The following PDE7A variants were observed in gnomAD, a reference collection of about 807,000 sequenced individuals.
PDE7A encodes high affinity 3',5'-cyclic-AMP phosphodiesterase 7A.
A neutral mutation model predicts 64.3 loss-of-function variants in PDE7A; 39 were observed. That is an observed-to-expected ratio of 0.61 (90% CI 0.47 to 0.79). The LOEUF (loss-of-function observed/expected upper bound fraction) is 0.79. Ranked by LOEUF, PDE7A falls within the 30% of genes least tolerant of loss-of-function variation. The probability of loss-of-function intolerance (pLI) is 0.00; values close to 1 mark genes in which losing one functional copy is unlikely to be tolerated. For synonymous variants in PDE7A, 203 were observed against 206.8 expected (o/e 0.98, Z 0.16); for missense variants, 470 against 582.8 (o/e 0.81, Z 1.99).
intron 7 of PDE7A, among the ~76,000 whole-genome samples, chr8:65,728,792 A>C (rs1806714413): frequency 6.6e-6 from 1 of 152,224 alleles, no homozygotes; most frequent in Non-Finnish European, 1.5e-5. Context: ...GGAGAATACA[A>C]TAATCCAAAA....
chr8:65,725,013 A>G, intron 9 of PDE7A, 92 bp from the exon 10 acceptor site: 1 of 686,462 alleles, frequency 1.5e-6, no homozygotes, highest in South Asian at 3.3e-5. Flanking sequence ...GGAAGGCTTT[A>G]TAGAACCCTA....
At chr8:65,775,492 G>A (rs1393067035) in intron 3 of PDE7A, among the ~76,000 whole-genome samples, 1 of 152,050 alleles carries the variant, frequency 6.6e-6, no homozygotes, top group Non-Finnish European at 1.5e-5. Flanking sequence ...ACGTTTTTAT[G>A]GTCTACCTCT....
At chr8:65,770,151 G>A (rs1415643802) in intron 3 of PDE7A, among the ~76,000 whole-genome samples, 1 of 149,600 alleles carries the variant, frequency 6.7e-6, no homozygotes, top group Non-Finnish European at 1.5e-5. Flanking sequence ...GTGTGTGTGT[G>A]TGTGTGTGTG....
chr8:65,746,197 G>A (rs117547270), intron 4 of PDE7A, among the ~76,000 whole-genome samples: 10 of 151,038 alleles, frequency 6.6e-5, no homozygotes, highest in South Asian at 2.1e-4. Flanking sequence ...GCCTCCGAAC[G>A]TGCTAGGATT....
At position 65,804,148 on chromosome 8, in the gene PDE7A, C is replaced by A. The variant is rs1033080573; in HGVS notation, c.139-21305G>T. 6.0e-4 allele frequency among the ~76,000 whole-genome samples: 91 copies of A among 152,176 alleles called. 5 individuals are homozygous for A. The highest frequency in any genetic ancestry group is 6.5e-5 in the Admixed American group (1 of 15,280). ...CATACACCAGCACTTTATCACACAT[C>A]CTTCTCTAGCCAACAGCATGATATT... On this transcript the variant is annotated intron_variant, in intron 1 of 12. Transcript: ENST00000401827.
At chr8:65,723,491 A>C in intron 12 of PDE7A, 50 bp downstream of exon 12, 1 of 1,374,358 alleles carries the variant, frequency 7.3e-7, no homozygotes. Context: ...CCTTCTTGAT[A>C]AAAACAGTGG....
chr8:65,727,425 CT>C (rs1158708278), intron 7 of PDE7A, 124 bp from the exon 8 acceptor site: 1 of 1,386,072 alleles, frequency 7.2e-7, no homozygotes. Context: ...CACGTCATTC[CT>C]CAGGTGGTTG....
At chr8:65,771,628 C>T (rs1809087752) in intron 3 of PDE7A, among the ~76,000 whole-genome samples, 1 of 152,022 alleles carries the variant, frequency 6.6e-6, no homozygotes, top group Admixed American at 6.6e-5. Context: ...GTAATCCCAG[C>T]ACTTTGGGAG....
chr8:65,756,695 T>C (rs1436360865), intron 3 of PDE7A, among the ~76,000 whole-genome samples: 8 of 152,218 alleles, frequency 5.3e-5, no homozygotes, highest in African/African-American at 1.9e-4. Context: ...TCAGTAAACA[T>C]TTAAGATAGT....
At chr8:65,838,294 C>G (rs1228964531) in intron 1 of PDE7A, among the ~76,000 whole-genome samples, 3 of 152,052 alleles carry the variant, frequency 2.0e-5, no homozygotes, top group Admixed American at 1.3e-4. Context: ...TATTTTTTTT[C>G]CAAATATGAA....
rs993517116 is a variant in PDE7A at position 65,810,318 on chromosome 8, T to A, written c.139-27475A>T. On this transcript the variant is annotated intron_variant, in intron 1 of 12. Transcript: ENST00000401827. ...ACAATGAGAACACTTGGACACAGGG[T>A]GGGGAACGTGACACACCAGGGCCTG... Among the ~76,000 whole-genome samples the A allele has an allele frequency of 2.5e-5, 3 of 119,730 alleles. No individual in the cohort carries two copies. The South Asian group carries it at 7.7e-4, about 31-fold the overall frequency. 78.5% of individuals were successfully genotyped at this position (119,730 alleles called of 152,430 possible).
At chr8:65,820,113 T>C (rs1470842571) in intron 1 of PDE7A, among the ~76,000 whole-genome samples, 1 of 152,220 alleles carries the variant, frequency 6.6e-6, no homozygotes, top group Non-Finnish European at 1.5e-5. Context: ...AAGTATTACA[T>C]GGCCAGGTGT....
At chr8:65,839,161 G>T (rs1330296498) in intron 1 of PDE7A, among the ~76,000 whole-genome samples, 1 of 151,864 alleles carries the variant, frequency 6.6e-6, no homozygotes, top group Non-Finnish European at 1.5e-5. Context: ...AAGGAAGGTT[G>T]CCAGTTTTAA....
chr8:65,815,429 C>G (rs1810376527), intron 1 of PDE7A, among the ~76,000 whole-genome samples: 1 of 152,010 alleles, frequency 6.6e-6, no homozygotes, highest in South Asian at 2.1e-4. Context: ...TCTCTGATTA[C>G]CAAGTTGTGA....
chr8:65,829,144 A>C lies in PDE7A; in HGVS notation c.138+12227T>G, dbSNP rs73693435. ...AATTCCACTACTCACCATTTCATAC[A>C]TAACAGTGCTAGAGAGTGAGCTCGC... On this transcript the variant is annotated intron_variant, in intron 1 of 12. Transcript: ENST00000401827. Among the ~76,000 whole-genome samples, 1,208 of 152,262 alleles carry C rather than the reference A, an allele frequency of 7.9e-3. 12 individuals carry two copies. Among genetic ancestry groups the C allele is most frequent in the African/African-American group, 0.026 (1,096 of 41,572 alleles).
At chr8:65,768,477 C>T (rs1037070501) in intron 3 of PDE7A, among the ~76,000 whole-genome samples, 5 of 152,206 alleles carry the variant, frequency 3.3e-5, no homozygotes, top group African/African-American at 1.2e-4. Flanking sequence ...GCCTTGTCTG[C>T]TGCCATGTGA....
Position 65,723,531 on chromosome 8 carries a change from G to A in PDE7A, c.1243+10C>T, listed in dbSNP as rs747755185. On this transcript the variant is annotated intron_variant, in intron 12 of 12. Transcript: ENST00000401827. The stretch of plus-strand genomic sequence containing the variant: ...TTTCTAACCAGCTATATCTAAATAT[G>A]TATAGTTACCAATCTGGATGTTGGC... 1 of 1,546,148 alleles carries A rather than the reference G, an allele frequency of 6.5e-7. No individual in the cohort carries two copies. The highest frequency in any genetic ancestry group is 8.7e-7 in the Non-Finnish European group (1 of 1,148,484).
chr8:65,810,496 TA>T (rs796192930), intron 1 of PDE7A, among the ~76,000 whole-genome samples: 2 of 152,034 alleles, frequency 1.3e-5, no homozygotes, highest in East Asian at 3.9e-4. Context: ...TAAAGTGTAA[TA>T]AAAAAAGTAT....
intron 3 of PDE7A, among the ~76,000 whole-genome samples, chr8:65,778,202 G>A (rs565300044): frequency 6.6e-6 from 1 of 152,310 alleles, no homozygotes; most frequent in East Asian, 1.9e-4. Flanking sequence ...TGTTATGCCA[G>A]GGTCTGGGCC....
Sources: allele counts gnomAD v4.1 joint callset (sites outside exome capture counted in the v4.1 genomes callset), GRCh38; gene constraint gnomAD v4.1.1; transcripts MANE v1.5; gene names NCBI Gene and HGNC (gene_info 2026-07-23, HGNC 2026-07-21).